The following ARHGAP10 variants were observed in gnomAD, a reference collection of about 807,000 sequenced individuals.
ARHGAP10 encodes the protein rho GTPase-activating protein 10.
In ARHGAP10, 87 loss-of-function variants were observed where a neutral mutation model predicts 108.6. That is an observed-to-expected ratio of 0.80 (90% confidence interval 0.67 to 0.96). The LOEUF is 0.96. Ranked by LOEUF, ARHGAP10 falls within the 40% of genes least tolerant of loss-of-function variation. The pLI is 0.00. For missense variants in ARHGAP10, 939 were observed against 954.5 expected (o/e 0.98, Z 0.21); for synonymous variants, 347 against 341.1 (o/e 1.02, Z -0.19).
chr4:147,950,356 A>G (rs967387193), intron 15 of ARHGAP10, among the ~76,000 whole-genome samples: 1 of 152,056 alleles, frequency 6.6e-6, no homozygotes, highest in Non-Finnish European at 1.5e-5. Flanking sequence ...AAGCAAGTGT[A>G]TTTCTTTCTG....
chr4:147,863,643 T>C (rs1395744632), intron 5 of ARHGAP10: 1 of 152,150 alleles, frequency 6.6e-6, no homozygotes, highest in East Asian at 1.9e-4. Context: ...TATTTTTCAT[T>C]TGAGGGAAAA....
At chr4:148,029,262 G>A (rs571049727) in intron 19 of ARHGAP10, among the ~76,000 whole-genome samples, 1 of 152,200 alleles carries the variant, frequency 6.6e-6, no homozygotes, top group Non-Finnish European at 1.5e-5. Context: ...ATATATCCAC[G>A]TTCATCCATA....
At chr4:147,769,346 C>T (rs1489990036) in intron 1 of ARHGAP10, among the ~76,000 whole-genome samples, 4 of 152,178 alleles carry the variant, frequency 2.6e-5, no homozygotes, top group Non-Finnish European at 5.9e-5. Flanking sequence ...CCATCCATAA[C>T]TCAAGATGAT....
At chr4:147,977,185 A>G (rs1159610591) in intron 18 of ARHGAP10, among the ~76,000 whole-genome samples, 1 of 152,228 alleles carries the variant, frequency 6.6e-6, no homozygotes, top group African/African-American at 2.4e-5. Context: ...ATGATGAAGA[A>G]TATCACCCTA....
intron 10 of ARHGAP10, among the ~76,000 whole-genome samples, chr4:147,899,067 T>C (rs1012602038): frequency 3.9e-5 from 6 of 152,134 alleles, no homozygotes; most frequent in Non-Finnish European, 5.9e-5. Context: ...GAGTAGCCCA[T>C]TGGATCCACC....
chr4:147,863,646 AG>A (rs1242567806), intron 5 of ARHGAP10: 1 of 152,000 alleles, frequency 6.6e-6, no homozygotes, highest in Non-Finnish European at 1.5e-5. Flanking sequence ...TTTTCATTTG[AG>A]GGAAAAATTT....
intron 13 of ARHGAP10, among the ~76,000 whole-genome samples, chr4:147,916,237 C>G (rs578251566): frequency 2.0e-5 from 3 of 152,086 alleles, no homozygotes; most frequent in Non-Finnish European, 4.4e-5. Context: ...TCATATGGTT[C>G]GGTTAAAGCC....
At chr4:148,021,522 CATATT>C (rs1560878845) in intron 18 of ARHGAP10, among the ~76,000 whole-genome samples, 1 of 152,232 alleles carries the variant, frequency 6.6e-6, no homozygotes, top group Non-Finnish European at 1.5e-5. Context: ...AAACATCAAA[CATATT>C]AGTAGGTAAG....
chr4:148,045,049 A>G (rs1274749420), intron 19 of ARHGAP10, among the ~76,000 whole-genome samples: 1 of 152,134 alleles, frequency 6.6e-6, no homozygotes, highest in Non-Finnish European at 1.5e-5. Context: ...TTGCTCAGCC[A>G]TCTCCCCCAC....
Position 148,072,162 on chromosome 4 carries a change from T to C in ARHGAP10, c.*81T>C. 15 of 1,308,174 alleles carry C rather than the reference T, an allele frequency of 1.1e-5. No individual in the cohort carries two copies. Among genetic ancestry groups the C allele is most frequent in the Admixed American group, 2.1e-5 (1 of 46,984 alleles). 81.0% of individuals were successfully genotyped at this position (1,308,174 alleles called of 1,614,324 possible). A position where few individuals can be genotyped will look rare whatever the true frequency, so the allele number is the denominator to read the frequency against. Reference sequence around the variant, plus strand: ...GAGAGCTGTCTTCCTCCTCCGAGGCTCTGGGCTGCACCCACAGGTACCTCC... The same window carrying C: ...GAGAGCTGTCTTCCTCCTCCGAGGCCCTGGGCTGCACCCACAGGTACCTCC... On this transcript the variant is annotated 3_prime_UTR_variant, in exon 23 of 23. Transcript: ENST00000336498.
At chr4:147,741,780 A>G (rs1461206892) in intron 1 of ARHGAP10, among the ~76,000 whole-genome samples, 3 of 37,258 alleles carry the variant, frequency 8.1e-5, no homozygotes, top group East Asian at 1.5e-3. Context: ...ACACACACAC[A>G]CACACACACA....
At chr4:147,757,891 A>G (rs972510626) in intron 1 of ARHGAP10, among the ~76,000 whole-genome samples, 1 of 152,170 alleles carries the variant, frequency 6.6e-6, no homozygotes, top group African/African-American at 2.4e-5. Flanking sequence ...GTGATACAGA[A>G]CAGGTGTGCC....
chr4:147,975,199 G>A (rs1340369135), intron 18 of ARHGAP10, among the ~76,000 whole-genome samples: 1 of 152,168 alleles, frequency 6.6e-6, no homozygotes, highest in African/African-American at 2.4e-5. Flanking sequence ...GGTAGAATGT[G>A]TCTTTTTTTT....
chr4:147,937,928 G>A (rs556661509), intron 13 of ARHGAP10, among the ~76,000 whole-genome samples: 25 of 152,272 alleles, frequency 1.6e-4, no homozygotes, highest in Middle Eastern at 3.4e-3. Flanking sequence ...GCAGTGAGCC[G>A]AGATTGCTCC....
At chr4:147,951,788 A>G (rs1738610811) in intron 15 of ARHGAP10, among the ~76,000 whole-genome samples, 1 of 152,054 alleles carries the variant, frequency 6.6e-6, no homozygotes, top group Non-Finnish European at 1.5e-5. Context: ...GCTTTATTGA[A>G]ACACAGTTGA....
At chr4:147,768,482 T>G (rs1276842180) in intron 1 of ARHGAP10, among the ~76,000 whole-genome samples, 3 of 151,972 alleles carry the variant, frequency 2.0e-5, no homozygotes, top group African/African-American at 7.3e-5. Flanking sequence ...CCTTGCCCCA[T>G]CACAGTGGTC....
chr4:147,800,902 C>T (rs987715739), intron 1 of ARHGAP10, among the ~76,000 whole-genome samples: 8 of 152,210 alleles, frequency 5.3e-5, no homozygotes, highest in African/African-American at 1.4e-4. Flanking sequence ...ACCCACGCCT[C>T]GTGGGATTAA....
chr4:147,782,997 T>TTATATAAATTATATATA lies in ARHGAP10; in HGVS notation c.155-39715_155-39714insTATATATAAATTATATA, dbSNP rs1491156076. Among the ~76,000 whole-genome samples the TTATATAAATTATATATA allele has an allele frequency of 2.0e-4, 27 of 136,272 alleles. 1 individual carries two copies. The highest frequency in any genetic ancestry group is 4.6e-4 in the Admixed American group (6 of 13,168). The allele number at this position is 136,272 out of a possible 152,430, so 89.4% of individuals were successfully genotyped here. On this transcript the variant is annotated intron_variant, in intron 1 of 22. Coordinates refer to ENST00000336498, the MANE Select transcript of ARHGAP10 (RefSeq NM_024605.4). ...TTATATATTATATAAATTATATATA[T>TTATATAAATTATATATA]TATATAAATTATATACTATATGTTA...
At chr4:147,920,486 GA>G (rs1737193974) in intron 13 of ARHGAP10, among the ~76,000 whole-genome samples, 2 of 152,064 alleles carry the variant, frequency 1.3e-5, no homozygotes, top group South Asian at 4.1e-4. Flanking sequence ...GAAAATAGCA[GA>G]ACGTTCTTTT....
Sources: gnomAD v4.1 joint callset for allele counts (sites outside exome capture counted in the v4.1 genomes callset) on GRCh38, gnomAD v4.1.1 for gene constraint, MANE v1.5 for transcripts, NCBI Gene and HGNC (gene_info 2026-07-23, HGNC 2026-07-21) for gene names.